PLPPR1: variants seen among roughly 807,000 people sequenced by gnomAD.
PLPPR1 encodes the protein phospholipid phosphatase related 1.
A neutral mutation model predicts 33.1 loss-of-function variants in PLPPR1; 10 were observed. The observed-to-expected ratio is 0.30, with a 90% CI of 0.19 to 0.51. The LOEUF is 0.51. Among genes scored for constraint, PLPPR1 ranks in the 20% least tolerant of loss-of-function variants. The pLI is 0.97. For synonymous variants in PLPPR1, 151 were observed against 151.0 expected, an observed-to-expected ratio of 1.00 and a Z score of 0.00; for missense variants, 304 against 408.1, an observed-to-expected ratio of 0.74 and a Z score of 2.20.
At chr9:101,323,092 A>G (rs11792290) in intron 7 of PLPPR1, among the ~76,000 whole-genome samples, 6,770 of 152,314 alleles carry the variant, frequency 0.044, 187 homozygotes, top group South Asian at 0.12. Flanking sequence ...GCTGTTTCAT[A>G]TTTAAAACAT....
intron 7 of PLPPR1, among the ~76,000 whole-genome samples, chr9:101,321,238 C>G (rs541509618): frequency 9.5e-4 from 144 of 152,318 alleles, no homozygotes; most frequent in African/African-American, 3.3e-3. Context: ...AAGGAGAAGA[C>G]TGGATGGGGA....
chr9:101,197,152 A>T (rs1026464268), intron 2 of PLPPR1, among the ~76,000 whole-genome samples: 2 of 152,172 alleles, frequency 1.3e-5, no homozygotes, highest in Non-Finnish European at 2.9e-5. Context: ...CTTGTTACCC[A>T]GAGAACTAGC....
At chr9:101,281,455 C>G (rs1564025741) in intron 3 of PLPPR1, among the ~76,000 whole-genome samples, 5 of 151,994 alleles carry the variant, frequency 3.3e-5, no homozygotes, top group Admixed American at 3.3e-4. Flanking sequence ...ATAGCCAAAG[C>G]TATCTTGAGC....
intron 1 of PLPPR1, among the ~76,000 whole-genome samples, chr9:101,153,751 A>ATTT (rs3983751): frequency 6.0e-4 from 86 of 144,144 alleles, no homozygotes; most frequent in South Asian, 1.3e-3. Context: ...TTTTTTTTGT[A>ATTT]TTTTTTTTTT....
intron 1 of PLPPR1, among the ~76,000 whole-genome samples, chr9:101,042,950 C>T (rs1156906994): frequency 6.6e-6 from 1 of 152,052 alleles, no homozygotes; most frequent in African/African-American, 2.4e-5. Context: ...TTTTGGGGAA[C>T]AGGTGGTATT....
intron 2 of PLPPR1, among the ~76,000 whole-genome samples, chr9:101,193,166 C>T (rs1326235732): frequency 2.0e-5 from 3 of 152,158 alleles, no homozygotes; most frequent in Admixed American, 1.3e-4. Context: ...ATGGGTCTGG[C>T]ACTGGAGGAC....
intron 2 of PLPPR1, among the ~76,000 whole-genome samples, chr9:101,246,095 T>G (rs200221830): frequency 0.45 from 49,956 of 110,130 alleles, 12,678 homozygotes; most frequent in African/African-American, 0.65. Context: ...TATATATATA[T>G]ATATATATAT....
chr9:101,305,927 A>G (rs1048758013), intron 4 of PLPPR1, among the ~76,000 whole-genome samples: 3 of 152,166 alleles, frequency 2.0e-5, no homozygotes, highest in Non-Finnish European at 4.4e-5. Flanking sequence ...GGGTCCAGGT[A>G]AAACCCTGAG....
At chr9:101,073,075 T>G (rs1198811348) in intron 1 of PLPPR1, among the ~76,000 whole-genome samples, 2 of 152,168 alleles carry the variant, frequency 1.3e-5, no homozygotes, top group Non-Finnish European at 2.9e-5. Context: ...ATTATGCAGA[T>G]AAAACAAAGA....
intron 6 of PLPPR1, among the ~76,000 whole-genome samples, chr9:101,313,488 C>A (rs1267680656): frequency 6.6e-6 from 1 of 152,188 alleles, no homozygotes; most frequent in Non-Finnish European, 1.5e-5. Context: ...CACACCCGCC[C>A]TTTTTAGTGG....
At chr9:101,094,096 T>C (rs192849102) in intron 1 of PLPPR1, among the ~76,000 whole-genome samples, 192 of 152,264 alleles carry the variant, frequency 1.3e-3, no homozygotes, top group African/African-American at 4.1e-3. Context: ...CTTGCCACTC[T>C]CCGGATATTC....
chr9:101,319,430 C>A (rs1415361915), intron 7 of PLPPR1, among the ~76,000 whole-genome samples: 1 of 151,756 alleles, frequency 6.6e-6, no homozygotes, highest in Non-Finnish European at 1.5e-5. Context: ...TTAATTAAAT[C>A]TAATATTATT....
intron 2 of PLPPR1, 122 bp from the exon 3 acceptor site, chr9:101,269,758 A>G: frequency 1.1e-6 from 1 of 902,202 alleles, no homozygotes; most frequent in Non-Finnish European, 1.8e-6. Context: ...TGGCACGCAC[A>G]CACTCGCCAA....
At chr9:101,079,578 A>G (rs1588019400) in intron 1 of PLPPR1, among the ~76,000 whole-genome samples, 2 of 118,728 alleles carry the variant, frequency 1.7e-5, no homozygotes, top group Non-Finnish European at 3.4e-5. Flanking sequence ...TTTCATTTTG[A>G]TTGCCTTTTT....
intron 1 of PLPPR1, among the ~76,000 whole-genome samples, chr9:101,084,277 A>G (rs571103790): frequency 2.6e-4 from 40 of 152,338 alleles, no homozygotes; most frequent in South Asian, 4.1e-4. Flanking sequence ...CCAGCAAGGT[A>G]CATGGTGAAA....
chr9:101,143,297 C>G (rs990892685), intron 1 of PLPPR1, among the ~76,000 whole-genome samples: 5 of 152,116 alleles, frequency 3.3e-5, no homozygotes, highest in Non-Finnish European at 7.4e-5. Flanking sequence ...CCTCTTCATC[C>G]TTCATGTCTT....
intron 2 of PLPPR1, among the ~76,000 whole-genome samples, chr9:101,241,689 G>A (rs77011585): frequency 0.053 from 8,050 of 152,122 alleles, 298 homozygotes; most frequent in South Asian, 0.17. Context: ...GCTCAGATAT[G>A]AGGTAGACGA....
chr9:101,046,388 T>C (rs1362664870), intron 1 of PLPPR1, among the ~76,000 whole-genome samples: 2 of 151,898 alleles, frequency 1.3e-5, no homozygotes, highest in African/African-American at 4.8e-5. Context: ...CAAGTTGCAT[T>C]TTTCCTTCTC....
At chr9:101,183,494 T>G (rs1826153026) in intron 1 of PLPPR1, among the ~76,000 whole-genome samples, 2 of 151,758 alleles carry the variant, frequency 1.3e-5, no homozygotes, top group Non-Finnish European at 1.5e-5. Context: ...GGCTTTGGGA[T>G]ATGGTGAAGG....
Sources: allele counts gnomAD v4.1 joint callset (sites outside exome capture counted in the v4.1 genomes callset), GRCh38; gene constraint gnomAD v4.1.1; transcripts MANE v1.5; gene names NCBI Gene and HGNC (gene_info 2026-07-23, HGNC 2026-07-21).